INPP4B: variants seen among roughly 807,000 people sequenced by gnomAD.
INPP4B encodes the protein inositol polyphosphate 4-phosphatase type II.
A neutral mutation model predicts 122.5 loss-of-function variants in INPP4B; 55 were observed. That is an observed-to-expected ratio of 0.45 (90% confidence interval 0.36 to 0.56). INPP4B has a LOEUF of 0.56. Among genes scored for constraint, INPP4B ranks in the 20% least tolerant of loss-of-function variants. The pLI, the probability that INPP4B is intolerant of heterozygous loss-of-function variation, is 0.00. For synonymous variants in INPP4B, 403 were observed against 388.7 expected (o/e 1.04, Z -0.43); for missense variants, 1,000 against 1,097.7 (o/e 0.91, Z 1.26).
rs1198708008 is a variant in INPP4B at position 142,107,396 on chromosome 4, T to A, written c.2374+697A>T. Among the ~76,000 whole-genome samples the A allele has an allele frequency of 1.3e-5, 2 of 152,174 alleles. 1 individual carries two copies. The highest frequency in any genetic ancestry group is 2.9e-5 in the Non-Finnish European group (2 of 68,014). On this transcript the variant is annotated intron_variant, in intron 23 of 25. Coordinates refer to ENST00000262992, the MANE Select transcript of INPP4B (RefSeq NM_001101669.3). ...TACTTTATTAAAACTTAGCTTCTTA[T>A]CATTGTGAATATCTCAACATATTTA...
chr4:142,529,794 A>T (rs1312758655), intron 2 of INPP4B, among the ~76,000 whole-genome samples: 2 of 152,102 alleles, frequency 1.3e-5, no homozygotes, highest in Non-Finnish European at 2.9e-5. Context: ...TTTACTTCTC[A>T]TTCACATTTC....
At chr4:142,494,532 T>G (rs1349792278) in intron 2 of INPP4B, among the ~76,000 whole-genome samples, 1 of 152,090 alleles carries the variant, frequency 6.6e-6, no homozygotes, top group East Asian at 1.9e-4. Flanking sequence ...AGACAAAGAA[T>G]TCCCTCAAAT....
chr4:142,385,145 C>T (rs1222907251), intron 7 of INPP4B, among the ~76,000 whole-genome samples: 1 of 152,120 alleles, frequency 6.6e-6, no homozygotes, highest in Non-Finnish European at 1.5e-5. Flanking sequence ...ATTGTTGGCT[C>T]AAATGGTATT....
chr4:142,639,757 G>A (rs988646555), intron 2 of INPP4B, among the ~76,000 whole-genome samples: 1 of 152,176 alleles, frequency 6.6e-6, no homozygotes, highest in East Asian at 1.9e-4. Flanking sequence ...TCATCAACAA[G>A]CATTCTGCTT....
chr4:142,033,317 C>A (rs1444106939), intron 25 of INPP4B, among the ~76,000 whole-genome samples: 2 of 152,318 alleles, frequency 1.3e-5, no homozygotes, highest in African/African-American at 4.8e-5. Flanking sequence ...CATTCCCCCT[C>A]CACTGTGCCA....
At chr4:142,065,485 T>C (rs1763052499) in intron 25 of INPP4B, among the ~76,000 whole-genome samples, 1 of 152,114 alleles carries the variant, frequency 6.6e-6, no homozygotes, top group Admixed American at 6.6e-5. Flanking sequence ...GTTAATACTC[T>C]GGGAATGACT....
chr4:142,208,995 A>T lies in INPP4B; in HGVS notation c.868T>A (p.Ser290Thr), dbSNP rs748908455. 2.5e-6 allele frequency: 4 copies of T among 1,604,252 alleles called. No individual in the cohort carries two copies. In the South Asian group the frequency reaches 4.5e-5, roughly 18 times the overall value. Reference protein sequence around the residue: ...NQEIKELGELSPHWDNLRKNV... With the variant: ...NQEIKELGELTPHWDNLRKNV... ...TTTCGCAGATTGTCCCAATGTGGAG[A>T]AAGCTCACCAAGTTCTTTTATCTCC... The change falls in exon 13 of 26, where the codon TCT (serine) becomes ACT (threonine). Residue 290 changes from serine (S) to threonine (T), a missense_variant. Ser to Thr is a moderately conservative substitution (Grantham distance 58). Transcript: ENST00000262992.
chr4:142,552,312 T>C (rs1207164254), intron 2 of INPP4B, among the ~76,000 whole-genome samples: 1 of 152,178 alleles, frequency 6.6e-6, no homozygotes, highest in Non-Finnish European at 1.5e-5. Flanking sequence ...TATGCATTTC[T>C]AACTGGCTCC....
chr4:142,115,282 C>G (rs1328654407), intron 21 of INPP4B, among the ~76,000 whole-genome samples: 1 of 152,044 alleles, frequency 6.6e-6, no homozygotes, highest in African/African-American at 2.4e-5. Context: ...CAAGGCAGGC[C>G]AACATTCAAA....
intron 22 of INPP4B, 105 bp from the exon 23 acceptor site, chr4:142,108,295 A>C: frequency 1.5e-6 from 1 of 677,064 alleles, no homozygotes; most frequent in Non-Finnish European, 2.6e-6. Flanking sequence ...TTTCCTAAGG[A>C]AAGAGTCTGT....
chr4:142,447,680 T>C (rs577411776), intron 3 of INPP4B, among the ~76,000 whole-genome samples: 12 of 152,310 alleles, frequency 7.9e-5, no homozygotes, highest in African/African-American at 2.9e-4. Flanking sequence ...TAGAAAAGTC[T>C]GGAGGACCAG....
intron 11 of INPP4B, among the ~76,000 whole-genome samples, chr4:142,249,867 T>A (rs1465813262): frequency 6.6e-6 from 1 of 152,076 alleles, no homozygotes; most frequent in Non-Finnish European, 1.5e-5. Context: ...ACCTACCATC[T>A]CCCCTTCTAT....
In INPP4B at chr4:142,027,236, A is replaced by G. The variant is rs1737278647; in HGVS notation, c.*1546T>C. On this transcript the variant is annotated 3_prime_UTR_variant, in exon 26 of 26. Coordinates refer to ENST00000262992, the MANE Select transcript of INPP4B (RefSeq NM_001101669.3). ...GATAATTCTAGTATAAAAAGCTCCA[A>G]ATGCTTATCTAAAATTTGTAGTAAT... 1 of 152,184 alleles carries G rather than the reference A, an allele frequency of 6.6e-6. No individual in the cohort carries two copies. The highest frequency in any genetic ancestry group is 2.4e-5 in the African/African-American group (1 of 41,464). 9.4% of individuals were successfully genotyped at this position (152,184 alleles called of 1,614,324 possible). A position where few individuals can be genotyped will look rare whatever the true frequency, so the allele number is the denominator to read the frequency against.
In INPP4B at chr4:142,770,092, T is replaced by C. The variant is rs567308165; in HGVS notation, c.-253-44191A>G. ...TGAGCTCAGCCTACAAATTCTGGTATGACGTGTGGTGTGAAAAAAAATTAC... is the reference window on the plus strand; with the variant it reads ...TGAGCTCAGCCTACAAATTCTGGTACGACGTGTGGTGTGAAAAAAAATTAC... On this transcript the variant is annotated intron_variant, in intron 1 of 25. Transcript: ENST00000262992. Among the ~76,000 whole-genome samples the C allele has an allele frequency of 1.7e-4, 26 of 152,218 alleles. No individual in the cohort carries two copies. In the East Asian group the frequency reaches 2.1e-3, roughly 12 times the overall value.
At chr4:142,587,229 G>A (rs1043848366) in intron 2 of INPP4B, among the ~76,000 whole-genome samples, 1 of 151,904 alleles carries the variant, frequency 6.6e-6, no homozygotes, top group Non-Finnish European at 1.5e-5. Flanking sequence ...AAAGAAAGAA[G>A]ATAACACCCC....
At position 142,527,986 on chromosome 4, in the gene INPP4B, C is replaced by T. The variant is rs1827149351; in HGVS notation, c.-190-65260G>A. ...AATAGAACCAAGATGTACTAGTAGA[C>T]CTTGCATAATTTACTATCATGCACT... On this transcript the variant is annotated intron_variant, in intron 2 of 25. Transcript: ENST00000262992. Among the ~76,000 whole-genome samples the T allele has an allele frequency of 3.9e-5, 6 of 151,902 alleles. No homozygotes were observed. In the South Asian group the frequency reaches 1.2e-3, roughly 31 times the overall value.
In INPP4B at chr4:142,024,602, C is replaced by CAA. The variant is rs1736459772; in HGVS notation, c.*4178_*4179dup. The stretch of plus-strand genomic sequence containing the variant: ...ATGATATACCATCCTGCTTGGAAAT[C>CAA]AAACACCTAAAACATCTGTGGTGAT... On this transcript the variant is annotated 3_prime_UTR_variant, in exon 26 of 26. Coordinates refer to ENST00000262992, the MANE Select transcript of INPP4B (RefSeq NM_001101669.3). The CAA allele has an allele frequency of 1.3e-5, 2 of 152,222 alleles. No homozygotes were observed. Among genetic ancestry groups the CAA allele is most frequent in the South Asian group, 4.1e-4 (2 of 4,824 alleles). 9.4% of individuals were successfully genotyped at this position (152,222 alleles called of 1,614,324 possible).
intron 3 of INPP4B, 80 bp from the exon 4 acceptor site, chr4:142,431,465 C>T: frequency 3.6e-6 from 2 of 551,028 alleles, no homozygotes; most frequent in South Asian, 2.3e-5. Context: ...GTAGAGACTG[C>T]AACTACATTC....
intron 7 of INPP4B, among the ~76,000 whole-genome samples, chr4:142,322,794 A>G (rs1010890167): frequency 2.0e-5 from 3 of 152,172 alleles, no homozygotes; most frequent in Non-Finnish European, 4.4e-5. Context: ...CGCCTGTAAC[A>G]TGTTTTTGGT....
Sources: gnomAD v4.1 joint callset for allele counts (sites outside exome capture counted in the v4.1 genomes callset) on GRCh38, gnomAD v4.1.1 for gene constraint, MANE v1.5 for transcripts, NCBI Gene and HGNC (gene_info 2026-07-23, HGNC 2026-07-21) for gene names.